Variants in MYO5A observed in about 807,000 individuals in gnomAD.
The protein encoded by MYO5A is myosin VA, also known as unconventional myosin-Va.
MYO5A carries 98 observed loss-of-function variants against 249.7 expected under a neutral mutation model. That is an observed-to-expected ratio of 0.39 (90% CI 0.33 to 0.46). The LOEUF is 0.46. MYO5A is among the 20% of genes least tolerant of loss of function. The probability of loss-of-function intolerance (pLI) is 0.98; values close to 1 mark genes in which losing one functional copy is unlikely to be tolerated. For missense variants in MYO5A, 1,696 were observed against 2,308.8 expected, an observed-to-expected ratio of 0.73 and a Z score of 5.44; for synonymous variants, 778 against 810.6, an observed-to-expected ratio of 0.96 and a Z score of 0.68.
At position 52,470,734 on chromosome 15, in the gene MYO5A, G is replaced by C. The variant is rs374548508; in HGVS notation, c.28-37449C>G. 6.6e-5 allele frequency among the ~76,000 whole-genome samples: 10 copies of C among 150,834 alleles called. No individual in the cohort carries two copies. The East Asian group carries it at 9.9e-4, about 15-fold the overall frequency. On this transcript the variant is annotated intron_variant, in intron 1 of 41. Coordinates refer to ENST00000399233, the MANE Select transcript of MYO5A (RefSeq NM_001382347.1). ...ATCAATGGAACCAATTCAGAAAAAG[G>C]GTTCTTGGCCGGGCACAGTGGCTCA...
At chr15:52,354,807 T>C (rs796763847) in intron 25 of MYO5A, among the ~76,000 whole-genome samples, 5 of 151,774 alleles carry the variant, frequency 3.3e-5, no homozygotes, top group African/African-American at 9.7e-5. Context: ...TGAGCTGAGA[T>C]TGCGCCACTG....
intron 32 of MYO5A, among the ~76,000 whole-genome samples, chr15:52,339,396 T>C (rs911127494): frequency 2.1e-4 from 32 of 152,056 alleles, no homozygotes; most frequent in African/African-American, 7.2e-4. Context: ...AGACTTTATA[T>C]AGAAATATGA....
intron 28 of MYO5A, among the ~76,000 whole-genome samples, chr15:52,350,450 T>C (rs1300669905): frequency 6.6e-6 from 1 of 152,196 alleles, no homozygotes; most frequent in Middle Eastern, 3.2e-3. Flanking sequence ...AGAGGAGTAC[T>C]CTCAGATTTT....
chr15:52,438,377 C>T (rs2075711687), intron 1 of MYO5A, among the ~76,000 whole-genome samples: 1 of 152,118 alleles, frequency 6.6e-6, no homozygotes, highest in Admixed American at 6.5e-5. Flanking sequence ...ATAGACACTG[C>T]CTACTTAGTC....
At chr15:52,512,898 T>C (rs1405666662) in intron 1 of MYO5A, among the ~76,000 whole-genome samples, 1 of 150,828 alleles carries the variant, frequency 6.6e-6, no homozygotes, top group Non-Finnish European at 1.5e-5. Context: ...GAGGCCGAGG[T>C]GGGTGGATCA....
intron 40 of MYO5A, among the ~76,000 whole-genome samples, chr15:52,315,119 C>T (rs886606126): frequency 6.6e-6 from 1 of 152,030 alleles, no homozygotes; most frequent in Non-Finnish European, 1.5e-5. Context: ...CTAATATTTG[C>T]TAAATAAATA....
chr15:52,332,697 C>G (rs867210937), intron 34 of MYO5A, among the ~76,000 whole-genome samples: 28 of 152,190 alleles, frequency 1.8e-4, no homozygotes, highest in African/African-American at 1.7e-4. Context: ...GGCACAGTGA[C>G]TCACACCTAT....
chr15:52,401,877 T>C (rs1367742362), intron 9 of MYO5A, among the ~76,000 whole-genome samples: 2 of 152,250 alleles, frequency 1.3e-5, no homozygotes, highest in African/African-American at 4.8e-5. Context: ...TTTTGGACAA[T>C]TTCTTCACAT....
chr15:52,357,735 T>C (rs148447408), intron 25 of MYO5A, among the ~76,000 whole-genome samples: 1 of 152,202 alleles, frequency 6.6e-6, no homozygotes, highest in Non-Finnish European at 1.5e-5. Context: ...GTCCTCACTA[T>C]ACCCCATGAG....
intron 4 of MYO5A, among the ~76,000 whole-genome samples, chr15:52,423,162 C>G (rs1034725802): frequency 6.6e-6 from 1 of 152,090 alleles, no homozygotes; most frequent in Non-Finnish European, 1.5e-5. Context: ...ATGAATTGTA[C>G]CTTCCCTGAA....
At chr15:52,329,421 A>T (rs1480346616) in intron 35 of MYO5A, among the ~76,000 whole-genome samples, 2 of 152,120 alleles carry the variant, frequency 1.3e-5, no homozygotes, top group African/African-American at 4.8e-5. Context: ...TCACTTCACA[A>T]CTTACGGTGT....
At position 52,376,471 on chromosome 15, in the gene MYO5A, G is replaced by GT. The variant is rs1268378303; in HGVS notation, c.2295dup (p.Leu766ThrfsTer45). 6.2e-7 allele frequency: 1 copy of GT among 1,614,126 alleles called. No individual in the cohort carries two copies. The highest frequency in any genetic ancestry group is 1.1e-5 in the South Asian group (1 of 91,082). On this transcript the variant is annotated frameshift_variant, in exon 19 of 42. Coordinates refer to ENST00000399233, the MANE Select transcript of MYO5A (RefSeq NM_001382347.1). LOFTEE classifies it high-confidence loss of function. ...TGGATCCGGATGCAGGCAGCTCTCA[G>GT]TTTGTCAGCTCTCAATTTTTCTAGA...
At chr15:52,415,326 TAA>T (rs1454762411) in intron 5 of MYO5A, among the ~76,000 whole-genome samples, 2 of 152,252 alleles carry the variant, frequency 1.3e-5, no homozygotes, top group Non-Finnish European at 2.9e-5. Context: ...CTCCATTTAA[TAA>T]GTCTTCATAT....
At chr15:52,349,223 C>T (rs1298101874) in intron 28 of MYO5A, among the ~76,000 whole-genome samples, 1 of 152,140 alleles carries the variant, frequency 6.6e-6, no homozygotes, top group Non-Finnish European at 1.5e-5. Flanking sequence ...GGAAGATTCC[C>T]AGAATACTCT....
chr15:52,506,698 G>A (rs2097476755), intron 1 of MYO5A, among the ~76,000 whole-genome samples: 1 of 151,994 alleles, frequency 6.6e-6, no homozygotes, highest in Non-Finnish European at 1.5e-5. Context: ...TAGCCGGCGT[G>A]GTTGCCTGCA....
chr15:52,321,222 C>A, intron 38 of MYO5A, 137 bp downstream of exon 38: 1 of 1,132,646 alleles, frequency 8.8e-7, no homozygotes, highest in South Asian at 1.3e-5. Context: ...GATTCCTCGG[C>A]TAATTTTAGC....
rs558235684 is a variant in MYO5A at position 52,375,286 on chromosome 15, T to C, written c.2577+18A>G. On this transcript the variant is annotated intron_variant, in intron 20 of 41. Coordinates refer to ENST00000399233, the MANE Select transcript of MYO5A (RefSeq NM_001382347.1). ...ATGCTAATAGAATGAATAAACAAAG[T>C]TGAAAATAATGCCTCACCTTGCGAT... is the stretch of plus-strand genomic sequence containing the variant. 37 of 1,613,562 alleles carry C rather than the reference T, an allele frequency of 2.3e-5. No homozygotes were observed. Among genetic ancestry groups the C allele is most frequent in the Middle Eastern group, 1.6e-4 (1 of 6,080 alleles).
At chr15:52,357,426 G>T (rs1381222773) in intron 25 of MYO5A, among the ~76,000 whole-genome samples, 1 of 145,152 alleles carries the variant, frequency 6.9e-6, no homozygotes, top group South Asian at 2.2e-4. Flanking sequence ...ATTAAAATGG[G>T]ATGGTGTTTT....
intron 1 of MYO5A, among the ~76,000 whole-genome samples, chr15:52,493,263 G>A (rs920775463): frequency 6.6e-6 from 1 of 152,204 alleles, no homozygotes; most frequent in Non-Finnish European, 1.5e-5. Context: ...CAAATGAGAT[G>A]TATAATACTT....
Sources: allele counts gnomAD v4.1 joint callset (sites outside exome capture counted in the v4.1 genomes callset), GRCh38; gene constraint gnomAD v4.1.1; transcripts MANE v1.5; gene names NCBI Gene and HGNC (gene_info 2026-07-23, HGNC 2026-07-21).